Variants in PARP1 observed in about 807,000 individuals in gnomAD.
The protein encoded by PARP1 is poly(ADP-ribose) polymerase 1.
PARP1 carries 44 observed loss-of-function variants against 118.7 expected under a neutral mutation model. The observed-to-expected ratio is 0.37, with a 90% CI of 0.29 to 0.48. The LOEUF is 0.48. PARP1 is among the 20% of genes least tolerant of loss of function. PARP1 has a pLI of 0.99. For synonymous variants in PARP1, 492 were observed against 483.2 expected (o/e 1.02, Z -0.24); for missense variants, 1,100 against 1,272.4 (o/e 0.86, Z 2.06).
intron 13 of PARP1, among the ~76,000 whole-genome samples, chr1:226,374,606 C>A (rs1027869611): frequency 6.6e-6 from 1 of 152,218 alleles, no homozygotes. Flanking sequence ...CTAGTTGCCA[C>A]TGCAGCGTCT....
At chr1:226,389,421 C>T (rs2102740469) in intron 4 of PARP1, among the ~76,000 whole-genome samples, 1 of 152,344 alleles carries the variant, frequency 6.6e-6, no homozygotes, top group South Asian at 2.1e-4. Context: ...TAGACCTGAG[C>T]ACAAACCCTT....
intron 2 of PARP1, among the ~76,000 whole-genome samples, chr1:226,399,073 C>CTTTTT (rs34094559): frequency 2.4e-5 from 3 of 125,794 alleles, no homozygotes; most frequent in Non-Finnish European, 3.3e-5. Flanking sequence ...ATGGAGGAAT[C>CTTTTT]TTTTTTTTTT....
intron 8 of PARP1, among the ~76,000 whole-genome samples, chr1:226,382,263 TCTCA>T (rs1558237933): frequency 6.6e-6 from 1 of 152,224 alleles, no homozygotes; most frequent in Admixed American, 6.5e-5. Flanking sequence ...AATACGTTGC[TCTCA>T]CTGTCTTGGT....
In PARP1 at chr1:226,390,449, TC is replaced by T; in HGVS notation, c.577del (p.Glu193LysfsTer3). 6.2e-7 allele frequency: 1 copy of T among 1,614,126 alleles called. No homozygotes were observed. Among genetic ancestry groups the T allele is most frequent in the Non-Finnish European group, 8.5e-7 (1 of 1,180,022 alleles). The stretch of plus-strand genomic sequence containing the variant: ...TCCTGGGAGCTGCTTCTTCAGGGCT[TC>T]TTTATCCTCTGTAGCAAGGAGGCTG... ...GFSLLATEDKEALKKQLPGVK... is the reference protein window; with the variant it reads ...GFSLLATEDKXALKKQLPGVK... On this transcript the variant is annotated frameshift_variant, in exon 4 of 23. Coordinates refer to ENST00000366794, the MANE Select transcript of PARP1 (RefSeq NM_001618.4). LOFTEE classifies it high-confidence loss of function.
chr1:226,366,886 G>A (rs1396984457), intron 17 of PARP1: 1 of 174,660 alleles, frequency 5.7e-6, no homozygotes, highest in Non-Finnish European at 1.2e-5. Context: ...ATGGGCTGAG[G>A]ACAATGGGGC....
intron 3 of PARP1, 23 bp downstream of exon 3, chr1:226,392,176 G>A (rs1664833019): frequency 2.7e-6 from 4 of 1,458,882 alleles, no homozygotes; most frequent in Non-Finnish European, 3.9e-6. Flanking sequence ...AAAGTTCAGG[G>A]ATCTGGGCCC....
At chr1:226,388,863 G>T (rs550150109) in intron 4 of PARP1, 108 bp from the exon 5 acceptor site, 3 of 866,838 alleles carry the variant, frequency 3.5e-6, no homozygotes, top group Non-Finnish European at 5.9e-6. Context: ...CTCCCTGTAG[G>T]GCCTACTCAC....
chr1:226,394,477 G>A (rs1428744379), intron 2 of PARP1, among the ~76,000 whole-genome samples: 1 of 152,216 alleles, frequency 6.6e-6, no homozygotes, highest in East Asian at 1.9e-4. Flanking sequence ...CACATACATA[G>A]AAAGCCTTAA....
At chr1:226,388,866 C>T in intron 4 of PARP1, 111 bp from the exon 5 acceptor site, 1 of 841,892 alleles carries the variant, frequency 1.2e-6, no homozygotes, top group East Asian at 2.4e-5. Context: ...CCTGTAGGGC[C>T]TACTCACACT....
At chr1:226,376,290 GCA>G (rs1576394503) in intron 13 of PARP1, among the ~76,000 whole-genome samples, 1 of 152,244 alleles carries the variant, frequency 6.6e-6, no homozygotes, top group East Asian at 1.9e-4. Flanking sequence ...CAAGCATTTT[GCA>G]AAGAAAAAAG....
chr1:226,376,251 A>T (rs949592365), intron 13 of PARP1, among the ~76,000 whole-genome samples: 1 of 152,266 alleles, frequency 6.6e-6, no homozygotes, highest in Admixed American at 6.5e-5. Flanking sequence ...TCTGATTAAA[A>T]AAGTGATAAA....
In PARP1 at chr1:226,385,597, GCT is replaced by G; in HGVS notation, c.916_917del (p.Ser306ArgfsTer45). On this transcript the variant is annotated frameshift_variant, in exon 7 of 23. Coordinates refer to ENST00000366794, the MANE Select transcript of PARP1 (RefSeq NM_001618.4). LOFTEE classifies it high-confidence loss of function. ...EECSGQLVFK[S>X]DAYYCTGDVT... The stretch of plus-strand genomic sequence containing the variant: ...CGTCCCCAGTGCAGTAATAGGCATC[GCT>G]CTTGAAGACCAGCTGACCCGAGCAT... 1 of 1,614,052 alleles carries G rather than the reference GCT, an allele frequency of 6.2e-7. No individual in the cohort carries two copies. Among genetic ancestry groups the G allele is most frequent in the Non-Finnish European group, 8.5e-7 (1 of 1,179,910 alleles).
Position 226,407,931 on chromosome 1 carries a change from C to T in PARP1, c.-2G>A. The T allele has an allele frequency of 2.5e-6, 4 of 1,612,380 alleles. No homozygotes were observed. Among genetic ancestry groups the T allele is most frequent in the Non-Finnish European group, 3.4e-6 (4 of 1,179,094 alleles). On this transcript the variant is annotated 5_prime_UTR_variant, in exon 1 of 23. Coordinates refer to ENST00000366794, the MANE Select transcript of PARP1 (RefSeq NM_001618.4). ...GAGCTTATCCGAAGACTCCGCCATCCTCCCCTAGCTGCCGCCAAAGCTCCG... is the reference window on the plus strand; with the variant it reads ...GAGCTTATCCGAAGACTCCGCCATCTTCCCCTAGCTGCCGCCAAAGCTCCG...
Position 226,388,639 on chromosome 1 carries a change from CAG to C in PARP1, c.717+15_717+16del. 2 of 1,509,688 alleles carry C rather than the reference CAG, an allele frequency of 1.3e-6. No homozygotes were observed. Among genetic ancestry groups the C allele is most frequent in the East Asian group, 2.3e-5 (1 of 44,408 alleles). The allele number at this position is 1,509,688 out of a possible 1,614,324, so 93.5% of individuals were successfully genotyped here. A position where few individuals can be genotyped will look rare whatever the true frequency, so the allele number is the denominator to read the frequency against. On this transcript the variant is annotated intron_variant, in intron 5 of 22. Coordinates refer to ENST00000366794, the MANE Select transcript of PARP1 (RefSeq NM_001618.4). Reference sequence around the variant, plus strand: ...GACAGCAGAATGTCGAAAGGAGACACAGAGCTGAGAACTCACCTTTAGGGCTT... The same window carrying C: ...GACAGCAGAATGTCGAAAGGAGACACAGCTGAGAACTCACCTTTAGGGCTT...
At position 226,366,713 on chromosome 1, in the gene PARP1, C is replaced by G. The variant is rs3219131; in HGVS notation, c.2407-661G>C. The G allele has an allele frequency of 6.4e-3, 1,009 of 156,910 alleles. 13 individuals are homozygous for G. Among genetic ancestry groups the G allele is most frequent in the African/African-American group, 0.023 (956 of 41,568 alleles). The allele number at this position is 156,910 out of a possible 1,614,324, so 9.7% of individuals were successfully genotyped here. A position where few individuals can be genotyped will look rare whatever the true frequency, so the allele number is the denominator to read the frequency against. On this transcript the variant is annotated intron_variant, in intron 17 of 22. Transcript: ENST00000366794. ...ACAGTTTTCCCATCAGGAAGGTGCT[C>G]TAGGGGCAAAACAAATGACATGTGG...
intron 5 of PARP1, among the ~76,000 whole-genome samples, chr1:226,387,559 C>G (rs1384243964): frequency 6.6e-6 from 1 of 152,194 alleles, no homozygotes; most frequent in Non-Finnish European, 1.5e-5. Context: ...TTTAAGGGGT[C>G]TCTCGACATC....
chr1:226,388,616 C>G (rs370531920), intron 5 of PARP1, 40 bp downstream of exon 5: 4 of 1,313,700 alleles, frequency 3.0e-6, no homozygotes, highest in South Asian at 1.2e-5. Flanking sequence ...AGAATCCAGA[C>G]AGCAGAATGT....
chr1:226,400,312 A>C (rs1665007915), intron 2 of PARP1, among the ~76,000 whole-genome samples: 1 of 152,172 alleles, frequency 6.6e-6, no homozygotes, highest in Non-Finnish European at 1.5e-5. Context: ...AACAAAACAA[A>C]AACAAAAACA....
chr1:226,399,758 T>C (rs1421196820), intron 2 of PARP1, among the ~76,000 whole-genome samples: 2 of 152,226 alleles, frequency 1.3e-5, no homozygotes, highest in African/African-American at 2.4e-5. Context: ...TCATCAGCTA[T>C]AACCATGGAC....
Sources: allele counts gnomAD v4.1 joint callset (sites outside exome capture counted in the v4.1 genomes callset), GRCh38; gene constraint gnomAD v4.1.1; transcripts MANE v1.5; gene names NCBI Gene and HGNC (gene_info 2026-07-23, HGNC 2026-07-21).